Variants in GPM6A observed in about 807,000 individuals in gnomAD.
GPM6A encodes the protein neuronal membrane glycoprotein M6-a.
Under a neutral mutation model 32.1 loss-of-function variants are expected in GPM6A, and 7 were observed. That is an observed-to-expected ratio of 0.22 (90% CI 0.12 to 0.41). The LOEUF (loss-of-function observed/expected upper bound fraction) is 0.41. Among genes scored for constraint, GPM6A ranks in the 10% least tolerant of loss-of-function variants. GPM6A has a pLI of 1.00. For synonymous variants in GPM6A, 130 were observed against 123.4 expected (o/e 1.05, Z -0.35); for missense variants, 235 against 347.2 (o/e 0.68, Z 2.57).
chr4:175,670,612 T>C (rs886408209), intron 3 of GPM6A, among the ~76,000 whole-genome samples: 6 of 152,202 alleles, frequency 3.9e-5, no homozygotes, highest in Admixed American at 6.5e-5. Flanking sequence ...TAATAACTTT[T>C]CATATAATGT....
chr4:175,864,240 C>T (rs1736662296), intron 1 of GPM6A, among the ~76,000 whole-genome samples: 1 of 152,192 alleles, frequency 6.6e-6, no homozygotes, highest in Non-Finnish European at 1.5e-5. Context: ...GGTAATGGCT[C>T]ACTGCAGCCT....
intron 1 of GPM6A, among the ~76,000 whole-genome samples, chr4:175,947,279 G>A (rs1425077731): frequency 1.3e-5 from 2 of 151,600 alleles, no homozygotes; most frequent in East Asian, 3.9e-4. Context: ...TGAACATTTA[G>A]CATTAGAAAA....
chr4:175,900,228 G>A (rs7441173), intron 1 of GPM6A, among the ~76,000 whole-genome samples: 61,786 of 147,206 alleles, frequency 0.42, 13,379 homozygotes, highest in Admixed American at 0.51. Context: ...AGCCAAGATC[G>A]CACCACTGCA....
chr4:175,754,837 G>C (rs1486762399), intron 1 of GPM6A, among the ~76,000 whole-genome samples: 1 of 152,048 alleles, frequency 6.6e-6, no homozygotes, highest in Non-Finnish European at 1.5e-5. Flanking sequence ...CCAGATGTCA[G>C]TGCACAACCA....
intron 1 of GPM6A, among the ~76,000 whole-genome samples, chr4:175,848,957 AG>A (rs1333848486): frequency 6.6e-6 from 1 of 152,204 alleles, no homozygotes; most frequent in Non-Finnish European, 1.5e-5. Flanking sequence ...TTTTAATTTT[AG>A]ATTTTGTTGT....
chr4:175,906,508 C>A (rs1438461719), intron 1 of GPM6A: 2 of 151,984 alleles, frequency 1.3e-5, no homozygotes, highest in African/African-American at 4.8e-5. Context: ...ATTTTTCTCT[C>A]CTCATTATTT....
intron 1 of GPM6A, among the ~76,000 whole-genome samples, chr4:175,724,855 T>A (rs1746323922): frequency 6.6e-6 from 1 of 152,022 alleles, no homozygotes; most frequent in African/African-American, 2.4e-5. Flanking sequence ...CCCTCATAAC[T>A]GCTCCGACCT....
At chr4:175,754,622 G>T (rs1212991638) in intron 1 of GPM6A, among the ~76,000 whole-genome samples, 2 of 152,036 alleles carry the variant, frequency 1.3e-5, no homozygotes, top group Non-Finnish European at 2.9e-5. Flanking sequence ...AAAGTTCATG[G>T]TTATTTACTT....
chr4:175,697,259 C>A (rs1291650835), intron 2 of GPM6A, among the ~76,000 whole-genome samples: 3 of 152,096 alleles, frequency 2.0e-5, no homozygotes, highest in Non-Finnish European at 4.4e-5. Flanking sequence ...CTAACAGTCT[C>A]CATATTTTAT....
chr4:175,713,358 A>G (rs1266871450), intron 1 of GPM6A, among the ~76,000 whole-genome samples: 1 of 152,002 alleles, frequency 6.6e-6, no homozygotes. Flanking sequence ...GCACATCACA[A>G]CACCTGGCTA....
chr4:175,991,051 TTC>T (rs1385307592), intron 1 of GPM6A, among the ~76,000 whole-genome samples: 1 of 150,200 alleles, frequency 6.7e-6, no homozygotes, highest in Non-Finnish European at 1.5e-5. Flanking sequence ...TTTTAAATCT[TTC>T]TTTCTTTCTT....
intron 1 of GPM6A, among the ~76,000 whole-genome samples, chr4:175,797,211 T>A (rs1734268680): frequency 6.8e-6 from 1 of 146,884 alleles, no homozygotes; most frequent in Non-Finnish European, 1.6e-5. Flanking sequence ...ATAGTTATAC[T>A]TTTTACTTTC....
At chr4:175,898,686 C>CA (rs975504308) in intron 1 of GPM6A, among the ~76,000 whole-genome samples, 43 of 152,220 alleles carry the variant, frequency 2.8e-4, no homozygotes, top group African/African-American at 9.9e-4. Context: ...CAATGGCCCT[C>CA]AAAAAATATG....
intron 1 of GPM6A, among the ~76,000 whole-genome samples, chr4:175,892,116 G>A (rs1207405064): frequency 2.6e-5 from 4 of 152,126 alleles, no homozygotes; most frequent in East Asian, 1.9e-4. Context: ...TAACTAAAGC[G>A]AACTACAATT....
chr4:175,996,279 T>C (rs917274927), intron 1 of GPM6A, among the ~76,000 whole-genome samples: 6 of 152,326 alleles, frequency 3.9e-5, no homozygotes, highest in African/African-American at 1.2e-4. Flanking sequence ...AAGAGTTTTG[T>C]TAAGTGGAAC....
rs545967330 is a variant in GPM6A at position 175,995,647 on chromosome 4, G to T, written c.-23+6662C>A. Among the ~76,000 whole-genome samples, 243 of 152,166 alleles carry T rather than the reference G, an allele frequency of 1.6e-3. 11 individuals are homozygous for T. The South Asian group carries it at 0.049, about 31-fold the overall frequency. ...CCCAAGCCTTCTGAATCTGAGTCTT[G>T]GGAGTTGGGACCCAGGAATCAGTAT... On this transcript the variant is annotated intron_variant, in intron 1 of 7. Coordinates refer to the GPM6A transcript ENST00000280187.
intron 1 of GPM6A, among the ~76,000 whole-genome samples, chr4:175,917,166 G>A (rs550821544): frequency 6.6e-6 from 1 of 152,038 alleles, no homozygotes; most frequent in Non-Finnish European, 1.5e-5. Flanking sequence ...CCTCCAGCGG[G>A]TGGGGGTAGC....
At chr4:175,755,445 A>G (rs1732490085) in intron 1 of GPM6A, among the ~76,000 whole-genome samples, 1 of 152,198 alleles carries the variant, frequency 6.6e-6, no homozygotes, top group Admixed American at 6.5e-5. Context: ...AGATTTTTCA[A>G]TTCTAAAATG....
At position 175,933,174 on chromosome 4, in the gene GPM6A, CA is replaced by C. The variant is rs948956996; in HGVS notation, c.-23+69134del. Among the ~76,000 whole-genome samples, 503 of 150,598 alleles carry C rather than the reference CA, an allele frequency of 3.3e-3. 5 individuals carry two copies. Among genetic ancestry groups the C allele is most frequent in the African/African-American group, 0.012 (482 of 41,038 alleles). ...AAATGGGCAAAAGGATGGAATACTT[CA>C]AAAAAAAACTCCATTAAAAATGGGC... On this transcript the variant is annotated intron_variant, in intron 1 of 7. Transcript: ENST00000280187.
Sources: gnomAD v4.1 joint callset for allele counts (sites outside exome capture counted in the v4.1 genomes callset) on GRCh38, gnomAD v4.1.1 for gene constraint, MANE v1.5 for transcripts, NCBI Gene and HGNC (gene_info 2026-07-23, HGNC 2026-07-21) for gene names.